VPS13D: variants seen among roughly 807,000 people sequenced by gnomAD.
VPS13D encodes vacuolar protein sorting 13 homolog D.
Under a neutral mutation model 461.9 loss-of-function variants are expected in VPS13D, and 187 were observed. That is an observed-to-expected ratio of 0.40 (90% CI 0.36 to 0.46). VPS13D has a LOEUF of 0.46. VPS13D is among the 20% of genes least tolerant of loss of function. The pLI is 0.60. For synonymous variants in VPS13D, 1,951 were observed against 1,986.3 expected, an observed-to-expected ratio of 0.98 and a Z score of 0.47; for missense variants, 4,711 against 5,364.9, an observed-to-expected ratio of 0.88 and a Z score of 3.81.
intron 63 of VPS13D, among the ~76,000 whole-genome samples, chr1:12,404,494 C>T (rs888711638): frequency 2.0e-5 from 3 of 152,200 alleles, no homozygotes; most frequent in South Asian, 4.1e-4. Context: ...GGGATATGGC[C>T]TTCTCTACCA....
At chr1:12,260,394 G>A (rs888735307) in intron 10 of VPS13D, among the ~76,000 whole-genome samples, 2 of 151,996 alleles carry the variant, frequency 1.3e-5, no homozygotes, top group Admixed American at 6.5e-5. Context: ...TTCATCTCAG[G>A]TGTCATGAAA....
Position 12,342,908 on chromosome 1 carries a change from C to G in VPS13D, c.8742C>G (p.Leu2914=), listed in dbSNP as rs748109026. The G allele has an allele frequency of 1.9e-6, 3 of 1,611,288 alleles. No individual in the cohort carries two copies. The highest frequency in any genetic ancestry group is 2.5e-6 in the Non-Finnish European group (3 of 1,177,896). ...TLTTTPTRAA[L]SHSGSPGVVP... ...TCTGATTTGGTTCCAGAGCTGCACT[C>G]TCTCACAGTGGGAGTCCAGGGGTAG... The change falls in exon 42 of 70, where the codon CTC becomes CTG. Residue 2914 remains leucine, a synonymous_variant. Transcript: ENST00000620676.
rs952053842 is a variant in VPS13D, at chr1:12,505,533, C to T, written c.12795-1320C>T. The stretch of plus-strand genomic sequence containing the variant: ...GCAACTGGAACAAGGCAGTCACTTA[C>T]TGAGCGCTGATGGGGTGGCCAACTC... On this transcript the variant is annotated intron_variant, in intron 68 of 69. Transcript: ENST00000620676. The surrounding 1 kb of genome is among the most constrained non-coding windows in gnomAD (Gnocchi z 4.2). 1.4e-4 allele frequency among the ~76,000 whole-genome samples: 22 copies of T among 152,190 alleles called. No individual in the cohort carries two copies. Among genetic ancestry groups the T allele is most frequent in the Admixed American group, 3.9e-4 (6 of 15,282 alleles).
rs773022511 is a variant in VPS13D, at chr1:12,400,256, A to C, written c.11710A>C (p.Ile3904Leu). ...TCCCCTGAGCAATGAGAATGAGGTC[A>C]TCGAGACCGGCCCAGCTGTGCAAGT... ...VTPLSNENEV[I>L]ETGPAVQVNA... Residue 3904 changes from isoleucine (I) to leucine (L), a missense_variant, in exon 61 of 70, where the codon ATC (isoleucine) becomes CTC (leucine). Coordinates refer to ENST00000620676, the MANE Select transcript of VPS13D (RefSeq NM_015378.4). 35 of 1,614,070 alleles carry C rather than the reference A, an allele frequency of 2.2e-5. No homozygotes were observed. Among genetic ancestry groups the C allele is most frequent in the Non-Finnish European group, 2.3e-5 (27 of 1,180,048 alleles).
intron 65 of VPS13D, among the ~76,000 whole-genome samples, chr1:12,428,849 T>G (rs1644957502): frequency 6.6e-6 from 1 of 152,228 alleles, no homozygotes; most frequent in Admixed American, 6.5e-5. Flanking sequence ...AATGTTTTCT[T>G]CTTTTTGTGA....
intron 13 of VPS13D, 22 bp from the exon 14 acceptor site, chr1:12,266,859 C>A (rs1176597170): frequency 6.5e-7 from 1 of 1,530,258 alleles, no homozygotes; most frequent in South Asian, 1.3e-5. Context: ...ATTGTATCAA[C>A]TATTTTATTT....
intron 19 of VPS13D, 96 bp downstream of exon 19, chr1:12,278,134 C>G: frequency 7.8e-7 from 1 of 1,280,444 alleles, no homozygotes; most frequent in African/African-American, 1.5e-5. Flanking sequence ...AAATCCTTTT[C>G]TTTTAGAATA....
chr1:12,261,488 C>T (rs886549166), intron 12 of VPS13D, among the ~76,000 whole-genome samples: 6 of 152,220 alleles, frequency 3.9e-5, no homozygotes, highest in African/African-American at 1.4e-4. Context: ...AAATGGCTAA[C>T]TAAAATTTAA....
In VPS13D at chr1:12,491,673, G is replaced by T. The variant is rs74685913; in HGVS notation, c.12663-5827G>T. 1.1e-3 allele frequency among the ~76,000 whole-genome samples: 171 copies of T among 152,282 alleles called. 4 individuals carry two copies. The East Asian group carries it at 0.03, about 27-fold the overall frequency. On this transcript the variant is annotated intron_variant, in intron 67 of 69. Coordinates refer to ENST00000620676, the MANE Select transcript of VPS13D (RefSeq NM_015378.4). Reference sequence around the variant, plus strand: ...CTGTATTGATTGCCCTCACTGGAAGGATATCTGCAGTGTATCAGCCACTGT... The same window carrying T: ...CTGTATTGATTGCCCTCACTGGAAGTATATCTGCAGTGTATCAGCCACTGT...
chr1:12,246,188 C>G (rs1353409884), intron 5 of VPS13D, among the ~76,000 whole-genome samples: 1 of 152,150 alleles, frequency 6.6e-6, no homozygotes, highest in Non-Finnish European at 1.5e-5. Flanking sequence ...TGTCATTAGG[C>G]TAACTGTGTC....
intron 55 of VPS13D, among the ~76,000 whole-genome samples, chr1:12,377,821 A>C (rs1021859190): frequency 0.01 from 11 of 1,058 alleles, no homozygotes; most frequent in African/African-American, 0.017. Context: ...ACTCCATCCC[A>C]AAAAAAAAAA....
rs371655890 is a variant in VPS13D, at chr1:12,323,690, G to A, written c.7916-16G>A. The A allele has an allele frequency of 1.2e-6, 2 of 1,608,382 alleles. No homozygotes were observed. On this transcript the variant is annotated splice_polypyrimidine_tract_variant and intron_variant, in intron 34 of 69. Transcript: ENST00000620676. ...ATAAAATTATTTATGAAAATTTTAT[G>A]CTATTTGTTTCCTAGAGTTACAGCT...
At chr1:12,325,025 T>C (rs928904689) in intron 35 of VPS13D, among the ~76,000 whole-genome samples, 3 of 152,212 alleles carry the variant, frequency 2.0e-5, no homozygotes, top group Non-Finnish European at 1.5e-5. Context: ...TCCATCTCCA[T>C]GTTTCCCTTT....
At chr1:12,339,058 A>C (rs1440302540) in intron 40 of VPS13D, among the ~76,000 whole-genome samples, 3 of 152,186 alleles carry the variant, frequency 2.0e-5, no homozygotes, top group Non-Finnish European at 4.4e-5. Context: ...TCTACCAGGA[A>C]TATAGAACAG....
At chr1:12,329,307 G>A (rs1430583617) in intron 36 of VPS13D, among the ~76,000 whole-genome samples, 2 of 151,894 alleles carry the variant, frequency 1.3e-5, no homozygotes, top group African/African-American at 2.4e-5. Context: ...TCCGCCTCCC[G>A]GGTCCAAGCA....
intron 67 of VPS13D, among the ~76,000 whole-genome samples, chr1:12,486,134 C>T (rs964948513): frequency 2.0e-5 from 3 of 152,212 alleles, no homozygotes; most frequent in African/African-American, 7.2e-5. Flanking sequence ...TGAGCCAGGC[C>T]AGTTTGACAC....
intron 63 of VPS13D, among the ~76,000 whole-genome samples, chr1:12,409,099 GTT>G (rs201435358): frequency 3.4e-5 from 5 of 149,028 alleles, no homozygotes; most frequent in African/African-American, 7.7e-5. Context: ...GTGTGTGTGT[GTT>G]TGTGTTTAAT....
rs1224605773 is a variant in VPS13D at position 12,400,240 on chromosome 1, C to A, written c.11694C>A (p.Ser3898Arg). 1 of 1,614,142 alleles carries A rather than the reference C, an allele frequency of 6.2e-7. No individual in the cohort carries two copies. Among genetic ancestry groups the A allele is most frequent in the Non-Finnish European group, 8.5e-7 (1 of 1,180,034 alleles). ...TCATGCTCTATGTGACTCCCCTGAG[C>A]AATGAGAATGAGGTCATCGAGACCG... ...QPFMLYVTPL[S>R]NENEVIETGP... is the part of the protein sequence containing the mutation. The change falls in exon 61 of 70, where the codon AGC (serine) becomes AGA (arginine). Residue 3898 changes from serine to arginine, a missense_variant. By Grantham distance (110) the Ser-to-Arg change is moderately radical. Around this residue, in one of 3 missense-constraint regions of VPS13D, gnomAD observed 4,411 missense variants for 4,937.8 expected, o/e 0.89. Coordinates refer to ENST00000620676, the MANE Select transcript of VPS13D (RefSeq NM_015378.4).
chr1:12,317,816 C>T (rs1479338234), intron 30 of VPS13D, among the ~76,000 whole-genome samples: 2 of 152,064 alleles, frequency 1.3e-5, no homozygotes, highest in East Asian at 3.8e-4. Flanking sequence ...CTGAGCTATA[C>T]TACCTATGCT....
Sources: gnomAD v4.1 joint callset for allele counts (sites outside exome capture counted in the v4.1 genomes callset) on GRCh38, gnomAD v4.1.1 for gene constraint, gnomAD v4.1.1 regional missense constraint, Gnocchi (gnomAD v3.1) non-coding constraint, MANE v1.5 for transcripts, NCBI Gene and HGNC (gene_info 2026-07-23, HGNC 2026-07-21) for gene names.